Variants in TAB2 observed in about 807,000 individuals in gnomAD.
TAB2 encodes the protein TGF-beta activated kinase 1 (MAP3K7) binding protein 2.
A neutral mutation model predicts 65.0 loss-of-function variants in TAB2; 3 were observed. The ratio of observed to expected loss-of-function variants is 0.05; its 90% CI spans 0.02 to 0.12. The LOEUF (loss-of-function observed/expected upper bound fraction) is 0.12. TAB2 is among the 10% of genes least tolerant of loss of function. The pLI is 1.00. For missense variants in TAB2, 623 were observed against 840.3 expected (o/e 0.74, Z 3.20); for synonymous variants, 298 against 285.1 (o/e 1.05, Z -0.46).
rs1246096746 is a variant in TAB2, at chr6:149,379,922, T to G, written c.1603+404T>G. Reference sequence around the variant, plus strand: ...TCTTGACTAATATGGTAAATTTGCCTTCTTTGACCAGATATTTGAAGAATA... The same window carrying G: ...TCTTGACTAATATGGTAAATTTGCCGTCTTTGACCAGATATTTGAAGAATA... On this transcript the variant is annotated intron_variant, in intron 3 of 6. Transcript: ENST00000637181. The G allele has an allele frequency of 1.1e-5, 5 of 455,622 alleles. No homozygotes were observed. The East Asian group carries it at 2.8e-4, about 26-fold the overall frequency. The allele number at this position is 455,622 out of a possible 1,614,324, so 28.2% of individuals were successfully genotyped here. A position where few individuals can be genotyped will look rare whatever the true frequency, so the allele number is the denominator to read the frequency against.
intron 1 of TAB2, among the ~76,000 whole-genome samples, chr6:149,364,291 C>T (rs1180170380): frequency 6.6e-6 from 1 of 152,088 alleles, no homozygotes; most frequent in Non-Finnish European, 1.5e-5. Context: ...AGATAAAATC[C>T]CCAAATGTTA....
At chr6:149,375,301 A>G (rs1295484322) in intron 2 of TAB2, among the ~76,000 whole-genome samples, 1 of 152,184 alleles carries the variant, frequency 6.6e-6, no homozygotes, top group East Asian at 1.9e-4. Context: ...AATTTTAATA[A>G]AAAGTACATT....
chr6:149,363,808 A>G (rs1309933822), intron 1 of TAB2, among the ~76,000 whole-genome samples: 2 of 152,100 alleles, frequency 1.3e-5, no homozygotes, highest in African/African-American at 4.8e-5. Flanking sequence ...CCCATATATC[A>G]CAACTCCCTG....
intron 1 of TAB2, among the ~76,000 whole-genome samples, chr6:149,337,567 T>C (rs935139734): frequency 4.6e-5 from 7 of 152,192 alleles, no homozygotes; most frequent in African/African-American, 1.7e-4. Flanking sequence ...AATTTCAAAG[T>C]TTCAACCAGT....
chr6:149,377,818 CAGAG>C (rs1451835037), intron 2 of TAB2, among the ~76,000 whole-genome samples, 196 bp from the exon 3 acceptor site: 3 of 89,394 alleles, frequency 3.4e-5, no homozygotes, highest in Non-Finnish European at 5.3e-5. Flanking sequence ...CTTTGTTAGT[CAGAG>C]AGAGCTTTTC....
intron 3 of TAB2, among the ~76,000 whole-genome samples, chr6:149,391,691 G>A (rs998800112): frequency 5.3e-5 from 8 of 151,886 alleles, no homozygotes; most frequent in African/African-American, 1.4e-4. Flanking sequence ...ACAGGCGCGC[G>A]CCACCATGCC....
intron 3 of TAB2, among the ~76,000 whole-genome samples, chr6:149,388,333 C>T (rs1264117405): frequency 1.3e-5 from 2 of 152,184 alleles, no homozygotes; most frequent in Non-Finnish European, 2.9e-5. Flanking sequence ...AAGCACACAG[C>T]CACACCTAAT....
intron 1 of TAB2, among the ~76,000 whole-genome samples, chr6:149,227,099 G>A (rs1777296242): frequency 6.6e-6 from 1 of 152,138 alleles, no homozygotes; most frequent in Admixed American, 6.5e-5. Context: ...GTTTTTGCAG[G>A]AGCATACATA....
chr6:149,389,408 G>A (rs1404172187), intron 3 of TAB2, among the ~76,000 whole-genome samples: 6 of 152,048 alleles, frequency 3.9e-5, no homozygotes, highest in Admixed American at 3.3e-4. Context: ...CACTTTGGGA[G>A]CCCGAGGCGG....
intron 6 of TAB2, among the ~76,000 whole-genome samples, chr6:149,403,299 T>TACAC (rs1782533506): frequency 1.6e-5 from 1 of 63,372 alleles, no homozygotes; most frequent in African/African-American, 7.5e-5. Context: ...CACACACATA[T>TACAC]ATATATATAT....
intron 3 of TAB2, among the ~76,000 whole-genome samples, chr6:149,387,559 T>C (rs1346993034): frequency 6.6e-6 from 1 of 152,176 alleles, no homozygotes; most frequent in Non-Finnish European, 1.5e-5. Flanking sequence ...TTGGTTCTTT[T>C]TCAAGATAGG....
chr6:149,400,239 G>GCGGGAGGGGAGGGAGCC, intron 6 of TAB2: 1 of 798,058 alleles, frequency 1.3e-6, no homozygotes, highest in Non-Finnish European at 1.9e-6. Flanking sequence ...GGCGCACACA[G>GCGGGAGGGGAGGGAGCC]CGGGAGGGGA....
chr6:149,409,862 G>A lies in TAB2; in HGVS notation c.*143G>A. 1 of 903,100 alleles carries A rather than the reference G, an allele frequency of 1.1e-6. No individual in the cohort carries two copies. Among genetic ancestry groups the A allele is most frequent in the Non-Finnish European group, 1.8e-6 (1 of 565,730 alleles). 55.9% of individuals were successfully genotyped at this position (903,100 alleles called of 1,614,324 possible). A position where few individuals can be genotyped will look rare whatever the true frequency, so the allele number is the denominator to read the frequency against. On this transcript the variant is annotated 3_prime_UTR_variant, in exon 7 of 7. Coordinates refer to ENST00000637181, the MANE Select transcript of TAB2 (RefSeq NM_001292034.3). ...GGTGTTCTGCTAATGTTAAATGTCA[G>A]CCCACAGAGCTAATAATACCTCAGT...
intron 1 of TAB2, among the ~76,000 whole-genome samples, chr6:149,228,370 C>T (rs1328884563): frequency 6.6e-6 from 1 of 152,170 alleles, no homozygotes; most frequent in African/African-American, 2.4e-5. Flanking sequence ...GTGAGGGTGG[C>T]ATCTGGGGAC....
chr6:149,235,604 G>A (rs941418008), intron 1 of TAB2, among the ~76,000 whole-genome samples: 6 of 152,296 alleles, frequency 3.9e-5, no homozygotes, highest in Middle Eastern at 6.8e-3. Context: ...TAGCTAGGCC[G>A]AGGAACCAGA....
chr6:149,344,161 A>AGCTAAT (rs1780216316), intron 1 of TAB2, among the ~76,000 whole-genome samples: 3 of 152,214 alleles, frequency 2.0e-5, no homozygotes, highest in Admixed American at 2.0e-4. Context: ...GGGAGCTACT[A>AGCTAAT]GTTAGGGTCA....
intron 1 of TAB2, chr6:149,245,693 T>C (rs776377860): frequency 5.9e-5 from 9 of 152,112 alleles, no homozygotes; most frequent in Admixed American, 2.0e-4. Flanking sequence ...ATGGAAACAA[T>C]GCACTCTTTA....
rs1462374707 is a variant in TAB2, at chr6:149,403,245, AAAATATATATAT to A, written c.1939+4063_1939+4074del. 1.4e-3 allele frequency among the ~76,000 whole-genome samples: 64 copies of A among 47,172 alleles called. 2 individuals carry two copies. The highest frequency in any genetic ancestry group is 8.0e-4 in the African/African-American group (6 of 7,472). 30.9% of individuals were successfully genotyped at this position (47,172 alleles called of 152,430 possible). A position where few individuals can be genotyped will look rare whatever the true frequency, so the allele number is the denominator to read the frequency against. On this transcript the variant is annotated intron_variant, in intron 6 of 6. Coordinates refer to ENST00000637181, the MANE Select transcript of TAB2 (RefSeq NM_001292034.3). ...GCGAAACTCTTGTCTAAAAAAAAAA[AAAATATATATAT>A]ATATATATATATATATATATATATA...
intron 1 of TAB2, among the ~76,000 whole-genome samples, chr6:149,290,054 G>A (rs1194147063): frequency 6.6e-6 from 1 of 152,184 alleles, no homozygotes; most frequent in African/African-American, 2.4e-5. Context: ...CCAGGTAGCA[G>A]GTTTCAGAGA....
Sources: allele counts gnomAD v4.1 joint callset (sites outside exome capture counted in the v4.1 genomes callset), GRCh38; gene constraint gnomAD v4.1.1; transcripts MANE v1.5; gene names NCBI Gene and HGNC (gene_info 2026-07-23, HGNC 2026-07-21).